Variants in GAD2 observed in about 807,000 individuals in gnomAD.
GAD2 encodes glutamate decarboxylase 2.
A neutral mutation model predicts 80.1 loss-of-function variants in GAD2; 22 were observed. The ratio of observed to expected loss-of-function variants is 0.27; its 90% CI spans 0.20 to 0.39. The LOEUF is 0.39. Among genes scored for constraint, GAD2 ranks in the 10% least tolerant of loss-of-function variants. The pLI is 1.00. For missense variants in GAD2, 624 were observed against 738.4 expected (o/e 0.85, Z 1.80); for synonymous variants, 274 against 256.9 (o/e 1.07, Z -0.64).
At chr10:26,234,234 G>C (rs979265723) in intron 7 of GAD2, among the ~76,000 whole-genome samples, 3 of 150,850 alleles carry the variant, frequency 2.0e-5, no homozygotes, top group Middle Eastern at 3.4e-3. Flanking sequence ...TGAGGCAGGA[G>C]AATCACTGGA....
At chr10:26,271,551 A>G (rs1351511715) in intron 10 of GAD2, among the ~76,000 whole-genome samples, 1 of 152,170 alleles carries the variant, frequency 6.6e-6, no homozygotes, top group Admixed American at 6.5e-5. Context: ...ACAAACCATC[A>G]CAAACTAAGC....
chr10:26,224,781 A>T, intron 6 of GAD2, 130 bp downstream of exon 6: 2 of 649,648 alleles, frequency 3.1e-6, no homozygotes, highest in Non-Finnish European at 2.7e-6. Flanking sequence ...TGATCAAAAG[A>T]ATGACTGTGA....
intron 7 of GAD2, among the ~76,000 whole-genome samples, chr10:26,234,018 C>A (rs1040929207): frequency 2.0e-5 from 3 of 152,014 alleles, no homozygotes; most frequent in Non-Finnish European, 4.4e-5. Flanking sequence ...TAAATATCAA[C>A]CAACTTTAAA....
intron 12 of GAD2, among the ~76,000 whole-genome samples, chr10:26,281,786 C>T (rs1012816831): frequency 6.6e-5 from 10 of 152,254 alleles, no homozygotes; most frequent in African/African-American, 1.9e-4. Context: ...ATCTGCCTTC[C>T]GTGACGCCAG....
intron 8 of GAD2, among the ~76,000 whole-genome samples, chr10:26,246,784 G>C (rs539510044): frequency 6.6e-5 from 10 of 152,190 alleles, no homozygotes; most frequent in Non-Finnish European, 1.3e-4. Flanking sequence ...AGGCAGTGTC[G>C]TCAGAAGGAG....
intron 15 of GAD2, 76 bp downstream of exon 15, chr10:26,293,067 T>C: frequency 8.1e-7 from 1 of 1,236,330 alleles, no homozygotes. Flanking sequence ...GACATATGCC[T>C]GTGGCCTTAG....
intron 4 of GAD2, among the ~76,000 whole-genome samples, chr10:26,220,677 C>G (rs967745621): frequency 3.9e-5 from 6 of 152,102 alleles, no homozygotes; most frequent in African/African-American, 1.4e-4. Context: ...ATTTTTTGAC[C>G]CATTCCCCAT....
At chr10:26,228,100 G>A (rs1274765928) in intron 6 of GAD2, among the ~76,000 whole-genome samples, 1 of 152,230 alleles carries the variant, frequency 6.6e-6, no homozygotes, top group Non-Finnish European at 1.5e-5. Context: ...CTCACGTGAC[G>A]GCAGGACTTG....
chr10:26,268,399 C>T (rs983762808), intron 8 of GAD2, among the ~76,000 whole-genome samples: 4 of 147,728 alleles, frequency 2.7e-5, no homozygotes, highest in Non-Finnish European at 4.4e-5. Flanking sequence ...ACCCGGGAGG[C>T]GGAGCTTGCA....
At chr10:26,240,346 G>C (rs1157160984) in intron 7 of GAD2, among the ~76,000 whole-genome samples, 1 of 152,032 alleles carries the variant, frequency 6.6e-6, no homozygotes, top group Admixed American at 6.6e-5. Context: ...AACCTAGAAA[G>C]CCTGCTTATT....
chr10:26,232,184 T>G (rs1844610488), intron 7 of GAD2, among the ~76,000 whole-genome samples: 1 of 152,218 alleles, frequency 6.6e-6, no homozygotes, highest in African/African-American at 2.4e-5. Flanking sequence ...TTTGGACCCC[T>G]AAATAGTTAC....
chr10:26,279,782 C>G (rs1331656989), intron 11 of GAD2, among the ~76,000 whole-genome samples: 1 of 151,894 alleles, frequency 6.6e-6, no homozygotes, highest in Non-Finnish European at 1.5e-5. Flanking sequence ...AGGCATGAGG[C>G]AAAAAAAGAT....
At chr10:26,234,474 A>G (rs1055876689) in intron 7 of GAD2, among the ~76,000 whole-genome samples, 4 of 152,196 alleles carry the variant, frequency 2.6e-5, no homozygotes, top group African/African-American at 4.8e-5. Context: ...TCTCAATAAT[A>G]CCAACACTGC....
At chr10:26,264,975 A>G (rs1013160356) in intron 8 of GAD2, among the ~76,000 whole-genome samples, 65 of 152,286 alleles carry the variant, frequency 4.3e-4, no homozygotes, top group African/African-American at 1.5e-3. Context: ...CCTGCCTAGA[A>G]ATACAGACTC....
intron 13 of GAD2, among the ~76,000 whole-genome samples, chr10:26,288,679 A>G (rs1029393356): frequency 2.6e-5 from 4 of 152,210 alleles, no homozygotes; most frequent in Admixed American, 6.5e-5. Context: ...ATATTGTGCC[A>G]AGTTCTCTCT....
intron 9 of GAD2, among the ~76,000 whole-genome samples, chr10:26,269,784 C>T (rs1845112573): frequency 6.6e-6 from 1 of 152,220 alleles, no homozygotes; most frequent in Non-Finnish European, 1.5e-5. Flanking sequence ...ATAACATACA[C>T]ATGCATTTTA....
intron 7 of GAD2, among the ~76,000 whole-genome samples, chr10:26,243,285 C>G (rs1409529701): frequency 1.3e-5 from 2 of 152,174 alleles, no homozygotes; most frequent in Non-Finnish European, 2.9e-5. Context: ...GTGATTTCTT[C>G]TTGGTGATTA....
At chr10:26,294,656 G>A (rs141193164) in intron 15 of GAD2, among the ~76,000 whole-genome samples, 95 of 152,274 alleles carry the variant, frequency 6.2e-4, no homozygotes, top group African/African-American at 2.2e-3. Flanking sequence ...ACCAGGATCC[G>A]TGGTGCATGT....
At chr10:26,263,451 C>G (rs952768668) in intron 8 of GAD2, among the ~76,000 whole-genome samples, 1 of 152,200 alleles carries the variant, frequency 6.6e-6, no homozygotes, top group African/African-American at 2.4e-5. Flanking sequence ...GGGCCTAAGA[C>G]AGGCTACCCA....
Sources: allele counts gnomAD v4.1 joint callset (sites outside exome capture counted in the v4.1 genomes callset), GRCh38; gene constraint gnomAD v4.1.1; transcripts MANE v1.5; gene names NCBI Gene and HGNC (gene_info 2026-07-23, HGNC 2026-07-21).